The following RIMS2 variants were observed in gnomAD, a reference collection of about 807,000 sequenced individuals.
The protein encoded by RIMS2 is regulating synaptic membrane exocytosis protein 2.
Under a neutral mutation model 174.4 loss-of-function variants are expected in RIMS2, and 59 were observed. The observed-to-expected ratio is 0.34, with a 90% CI of 0.27 to 0.42. RIMS2 has a LOEUF of 0.42. Ranked by LOEUF, RIMS2 falls within the 10% of genes least tolerant of loss-of-function variation. RIMS2 has a pLI of 1.00. For synonymous variants in RIMS2, 606 were observed against 572.5 expected (o/e 1.06, Z -0.84); for missense variants, 1,620 against 1,666.3 (o/e 0.97, Z 0.48).
intron 1 of RIMS2, among the ~76,000 whole-genome samples, chr8:103,680,083 G>C (rs1277096734): frequency 6.6e-6 from 1 of 151,994 alleles, no homozygotes; most frequent in Non-Finnish European, 1.5e-5. Flanking sequence ...TACATCACTA[G>C]AAAGTTATAT....
At chr8:104,008,932 G>A (rs537796438) in intron 17 of RIMS2, among the ~76,000 whole-genome samples, 20 of 151,730 alleles carry the variant, frequency 1.3e-4, no homozygotes, top group African/African-American at 2.2e-4. Flanking sequence ...TATAATATTC[G>A]TATTCGTGCA....
rs539542276 is a variant in RIMS2, at chr8:104,248,867, A to G, written c.3589+54A>G. On this transcript the variant is annotated intron_variant, in intron 21 of 23. Transcript: ENST00000504942. ...ATTTTGTTTTAGATTGTTGAAAATG[A>G]AATTCTCTAAATTTCATAGAATCTT... is the stretch of plus-strand genomic sequence containing the variant. 53 of 918,618 alleles carry G rather than the reference A, an allele frequency of 5.8e-5. 1 individual carries two copies. The Admixed American group carries it at 6.5e-4, about 11-fold the overall frequency. The allele number at this position is 918,618 out of a possible 1,614,324, so 56.9% of individuals were successfully genotyped here.
At chr8:103,629,568 T>C (rs1043531186) in intron 1 of RIMS2, among the ~76,000 whole-genome samples, 4 of 152,146 alleles carry the variant, frequency 2.6e-5, no homozygotes, top group Admixed American at 6.5e-5. Context: ...TAAAATAATA[T>C]GTAAAAGGTA....
intron 1 of RIMS2, among the ~76,000 whole-genome samples, chr8:103,615,315 G>A (rs556413324): frequency 1.3e-5 from 2 of 152,298 alleles, no homozygotes; most frequent in South Asian, 4.1e-4. Flanking sequence ...AAATCAGGAA[G>A]TTCTTTGAAA....
chr8:103,782,638 T>C (rs907587124), intron 3 of RIMS2, among the ~76,000 whole-genome samples: 1 of 152,186 alleles, frequency 6.6e-6, no homozygotes, highest in African/African-American at 2.4e-5. Context: ...AGGGTTTTAG[T>C]TTCTAATTCA....
At chr8:103,848,944 C>A (rs1020431926) in intron 3 of RIMS2, among the ~76,000 whole-genome samples, 1 of 152,006 alleles carries the variant, frequency 6.6e-6, no homozygotes, top group Non-Finnish European at 1.5e-5. Context: ...GACTCTCATA[C>A]TTTGATTTAT....
intron 19 of RIMS2, among the ~76,000 whole-genome samples, chr8:104,126,455 T>C (rs539532961): frequency 3.9e-5 from 6 of 151,974 alleles, no homozygotes; most frequent in South Asian, 4.1e-4. Flanking sequence ...TGCATTGGGG[T>C]TTTGCTGGTG....
intron 16 of RIMS2, among the ~76,000 whole-genome samples, chr8:103,987,409 G>T (rs1456037218): frequency 6.6e-6 from 1 of 151,820 alleles, no homozygotes; most frequent in Non-Finnish European, 1.5e-5. Flanking sequence ...GGACTAATGG[G>T]GAAATAAATC....
At chr8:104,059,781 G>C (rs545342079) in intron 19 of RIMS2, among the ~76,000 whole-genome samples, 9,218 of 151,694 alleles carry the variant, frequency 0.061, 848 homozygotes, top group African/African-American at 0.2. Context: ...TAGCATGAAG[G>C]GTTGTTGAAT....
chr8:103,754,356 G>A (rs2097945746), intron 2 of RIMS2, among the ~76,000 whole-genome samples: 1 of 152,160 alleles, frequency 6.6e-6, no homozygotes, highest in South Asian at 2.1e-4. Context: ...CAACGATGTG[G>A]TCAGTTTTAG....
chr8:103,742,085 C>T (rs2097767566), intron 2 of RIMS2, among the ~76,000 whole-genome samples: 1 of 152,034 alleles, frequency 6.6e-6, no homozygotes, highest in Non-Finnish European at 1.5e-5. Flanking sequence ...CCAATCAGGA[C>T]TCAACTTCTT....
intron 1 of RIMS2, among the ~76,000 whole-genome samples, chr8:103,553,266 A>G (rs182734169): frequency 1.2e-4 from 18 of 152,316 alleles, no homozygotes; most frequent in African/African-American, 3.8e-4. Flanking sequence ...CTGTGCAGCC[A>G]TTAAAAAGGA....
intron 1 of RIMS2, among the ~76,000 whole-genome samples, chr8:103,634,961 T>C (rs1032431304): frequency 1.3e-5 from 2 of 152,172 alleles, no homozygotes; most frequent in African/African-American, 4.8e-5. Context: ...ATTGGGTCTT[T>C]TTTATCCAGC....
At chr8:104,178,876 C>T (rs577235833) in intron 19 of RIMS2, among the ~76,000 whole-genome samples, 172 of 150,400 alleles carry the variant, frequency 1.1e-3, no homozygotes, top group African/African-American at 4.1e-3. Flanking sequence ...TTAGAAAAAT[C>T]TCAAAGTAGT....
intron 1 of RIMS2, among the ~76,000 whole-genome samples, chr8:103,633,979 T>G (rs2135319548): frequency 6.6e-6 from 1 of 152,300 alleles, no homozygotes; most frequent in South Asian, 2.1e-4. Flanking sequence ...CTGCTGGATT[T>G]GTTGATCTTT....
At chr8:104,117,951 T>C (rs78213218) in intron 19 of RIMS2, among the ~76,000 whole-genome samples, 2,648 of 152,310 alleles carry the variant, frequency 0.017, 132 homozygotes, top group East Asian at 0.15. Context: ...GTGAGATTTA[T>C]GTTATGATTA....
chr8:104,025,617 T>C (rs1172751043), intron 19 of RIMS2, among the ~76,000 whole-genome samples: 1 of 152,178 alleles, frequency 6.6e-6, no homozygotes, highest in Non-Finnish European at 1.5e-5. Context: ...TATAATTTTG[T>C]ATTTGTGGCA....
intron 19 of RIMS2, among the ~76,000 whole-genome samples, chr8:104,056,417 G>A (rs2096870453): frequency 6.6e-6 from 1 of 150,602 alleles, no homozygotes; most frequent in South Asian, 2.1e-4. Flanking sequence ...AAAAAAAAAG[G>A]AGTTTTGTAG....
chr8:104,023,689 C>T (rs1218264128), intron 19 of RIMS2, among the ~76,000 whole-genome samples: 1 of 152,048 alleles, frequency 6.6e-6, no homozygotes, highest in East Asian at 1.9e-4. Context: ...TAAATATGGT[C>T]TACATTTCAT....
Sources: allele counts gnomAD v4.1 joint callset (sites outside exome capture counted in the v4.1 genomes callset), GRCh38; gene constraint gnomAD v4.1.1; transcripts MANE v1.5; gene names NCBI Gene and HGNC (gene_info 2026-07-23, HGNC 2026-07-21).